The following TMEM132D variants were observed in gnomAD, a reference collection of about 807,000 sequenced individuals.
TMEM132D encodes transmembrane protein 132D, also known as mature OL transmembrane protein.
A neutral mutation model predicts 62.3 loss-of-function variants in TMEM132D; 21 were observed. The ratio of observed to expected loss-of-function variants is 0.34; its 90% confidence interval spans 0.24 to 0.49. TMEM132D has a LOEUF of 0.49. Among genes scored for constraint, TMEM132D ranks in the 20% least tolerant of loss-of-function variants. TMEM132D has a pLI of 0.99. For missense variants in TMEM132D, 1,346 were observed against 1,402.8 expected, an observed-to-expected ratio of 0.96 and a Z score of 0.65; for synonymous variants, 621 against 575.6, an observed-to-expected ratio of 1.08 and a Z score of -1.13.
At chr12:129,193,433 A>G (rs966264333) in intron 5 of TMEM132D, among the ~76,000 whole-genome samples, 2 of 152,194 alleles carry the variant, frequency 1.3e-5, no homozygotes, top group African/African-American at 2.4e-5. Flanking sequence ...TTAGAAACCC[A>G]GAAGGTGCTA....
chr12:129,260,868 G>C (rs750451674), intron 4 of TMEM132D, among the ~76,000 whole-genome samples: 1 of 152,192 alleles, frequency 6.6e-6, no homozygotes, highest in Non-Finnish European at 1.5e-5. Flanking sequence ...TGGCTGAATA[G>C]TATTCAATGG....
At chr12:129,810,650 A>C (rs1021554879) in intron 1 of TMEM132D, among the ~76,000 whole-genome samples, 1 of 152,182 alleles carries the variant, frequency 6.6e-6, no homozygotes, top group Admixed American at 6.5e-5. Context: ...AAAGATGTGC[A>C]AAAGAAATAA....
chr12:129,302,605 T>C (rs935882181), intron 4 of TMEM132D, among the ~76,000 whole-genome samples: 1 of 152,234 alleles, frequency 6.6e-6, no homozygotes, highest in Non-Finnish European at 1.5e-5. Context: ...TTCCAGCTTT[T>C]GGGTTGGGCT....
chr12:129,526,560 G>A (rs905919441), intron 3 of TMEM132D, among the ~76,000 whole-genome samples: 1 of 152,186 alleles, frequency 6.6e-6, no homozygotes, highest in Non-Finnish European at 1.5e-5. Context: ...TGGGATTACA[G>A]GCATGAGCCA....
chr12:129,569,747 C>T (rs1244268033), intron 2 of TMEM132D, among the ~76,000 whole-genome samples: 7 of 152,142 alleles, frequency 4.6e-5, no homozygotes, highest in African/African-American at 1.4e-4. Context: ...CCTAATTCTA[C>T]CCAGCTCTAC....
intron 1 of TMEM132D, among the ~76,000 whole-genome samples, chr12:129,719,091 AAAAAAAAAG>A (rs1172223806): frequency 4.5e-5 from 2 of 44,410 alleles, no homozygotes; most frequent in Admixed American, 2.8e-4. Flanking sequence ...ATGAAAAAAA[AAAAAAAAAG>A]AAAAAAAGCT....
At chr12:129,759,950 G>T (rs1429270180) in intron 1 of TMEM132D, among the ~76,000 whole-genome samples, 9 of 151,902 alleles carry the variant, frequency 5.9e-5, no homozygotes, top group Non-Finnish European at 1.3e-4. Context: ...CTGTTGCCCA[G>T]ACTGGAGTAC....
At chr12:129,891,887 C>T (rs1874935282) in intron 1 of TMEM132D, among the ~76,000 whole-genome samples, 2 of 152,062 alleles carry the variant, frequency 1.3e-5, no homozygotes, top group Non-Finnish European at 2.9e-5. Flanking sequence ...CTTAAAAATT[C>T]ATAGAAAAAC....
chr12:129,266,078 C>T (rs952375105), intron 4 of TMEM132D, among the ~76,000 whole-genome samples: 1 of 151,752 alleles, frequency 6.6e-6, no homozygotes. Flanking sequence ...CTTGGCTCCT[C>T]TATGTAGACT....
intron 1 of TMEM132D, among the ~76,000 whole-genome samples, chr12:129,705,488 A>G (rs975260739): frequency 6.6e-6 from 1 of 152,232 alleles, no homozygotes; most frequent in African/African-American, 2.4e-5. Flanking sequence ...AAAAATAATG[A>G]TAAATATTCA....
rs1368225515 is a variant in TMEM132D, at chr12:129,385,088, T to C, written c.1116-47271A>G. On this transcript the variant is annotated intron_variant, in intron 3 of 8. Coordinates refer to ENST00000422113, the MANE Select transcript of TMEM132D (RefSeq NM_133448.3). ...AGCATTTTACACTGTTAAAGTTCTT[T>C]TTTTTTTTTTTTTTTTTTTTTTTGA... 4.5e-3 allele frequency among the ~76,000 whole-genome samples: 235 copies of C among 52,528 alleles called. 8 individuals are homozygous for C. The highest frequency in any genetic ancestry group is 4.2e-3 in the Non-Finnish European group (92 of 22,066). 34.5% of individuals were successfully genotyped at this position (52,528 alleles called of 152,430 possible).
At chr12:129,211,210 G>C (rs1365699574) in intron 4 of TMEM132D, among the ~76,000 whole-genome samples, 2 of 152,172 alleles carry the variant, frequency 1.3e-5, no homozygotes, top group Admixed American at 1.3e-4. Flanking sequence ...GTGTCCCTAA[G>C]AGGTGTTTTA....
intron 1 of TMEM132D, among the ~76,000 whole-genome samples, chr12:129,757,145 A>C (rs1870192259): frequency 6.8e-6 from 1 of 147,840 alleles, no homozygotes; most frequent in South Asian, 2.3e-4. Flanking sequence ...ATGCTCTCCA[A>C]TTTGGTTATT....
chr12:129,895,442 T>C (rs973698559), intron 1 of TMEM132D, among the ~76,000 whole-genome samples: 2 of 152,180 alleles, frequency 1.3e-5, no homozygotes, highest in African/African-American at 4.8e-5. Context: ...GGCTTTGTGA[T>C]TGGTACAAAT....
chr12:129,335,763 T>C (rs911476866), intron 4 of TMEM132D, among the ~76,000 whole-genome samples: 6 of 152,212 alleles, frequency 3.9e-5, no homozygotes, highest in Non-Finnish European at 8.8e-5. Flanking sequence ...TTGAGCAATC[T>C]TTCATGCTAA....
intron 5 of TMEM132D, among the ~76,000 whole-genome samples, chr12:129,147,988 C>T (rs1876961494): frequency 6.6e-6 from 1 of 152,178 alleles, no homozygotes; most frequent in Admixed American, 6.5e-5. Flanking sequence ...ACCTGCAGAG[C>T]CCATGCGCTT....
chr12:129,139,412 C>A (rs1876674663), intron 5 of TMEM132D, among the ~76,000 whole-genome samples: 1 of 152,196 alleles, frequency 6.6e-6, no homozygotes, highest in South Asian at 2.1e-4. Flanking sequence ...CAGCCACAAA[C>A]CCTCTGTTCA....
chr12:129,691,659 T>G (rs1014658270), intron 2 of TMEM132D, among the ~76,000 whole-genome samples: 1 of 152,136 alleles, frequency 6.6e-6, no homozygotes, highest in African/African-American at 2.4e-5. Flanking sequence ...TTTGAGGTGA[T>G]GAATATGTTA....
At chr12:129,811,489 T>A (rs1872178988) in intron 1 of TMEM132D, among the ~76,000 whole-genome samples, 1 of 151,688 alleles carries the variant, frequency 6.6e-6, no homozygotes, top group Non-Finnish European at 1.5e-5. Flanking sequence ...TGGCTCTCAG[T>A]TCCTTCACCC....
Sources: gnomAD v4.1 joint callset for allele counts (sites outside exome capture counted in the v4.1 genomes callset) on GRCh38, gnomAD v4.1.1 for gene constraint, MANE v1.5 for transcripts, NCBI Gene and HGNC (gene_info 2026-07-23, HGNC 2026-07-21) for gene names.